Variants in ESPL1 observed in about 807,000 individuals in gnomAD.
The protein encoded by ESPL1 is extra spindle pole bodies like 1, separase.
A neutral mutation model predicts 217.2 loss-of-function variants in ESPL1; 50 were observed. The observed-to-expected ratio is 0.23, with a 90% CI of 0.18 to 0.29. The LOEUF (loss-of-function observed/expected upper bound fraction) is 0.29, where lower values mean the gene tolerates loss of function less well. Ranked by LOEUF, ESPL1 falls within the 10% of genes least tolerant of loss-of-function variation. The pLI is 1.00. For missense variants in ESPL1, 1,834 were observed against 2,603.0 expected, an observed-to-expected ratio of 0.70 and a Z score of 6.43; for synonymous variants, 994 against 1,081.3, an observed-to-expected ratio of 0.92 and a Z score of 1.58.
chr12:53,283,093 C>T, intron 14 of ESPL1, 36 bp from the exon 15 acceptor site: 2 of 1,613,202 alleles, frequency 1.2e-6, no homozygotes, highest in Non-Finnish European at 1.7e-6. Flanking sequence ...GAAGTTCTGG[C>T]TGCATCTTCT....
In ESPL1 at chr12:53,283,460, G is replaced by A. The variant is rs1005329513; in HGVS notation, c.2999G>A (p.Arg1000His). The A allele has an allele frequency of 5.6e-6, 9 of 1,614,114 alleles. No individual in the cohort carries two copies. Among genetic ancestry groups the A allele is most frequent in the African/African-American group, 5.3e-5 (4 of 75,044 alleles). The change falls in exon 16 of 31, where the codon CGC becomes CAC. Residue 1000 changes from arginine to histidine, a missense_variant. Arg to His is a conservative substitution (Grantham distance 29). Coordinates refer to ENST00000257934, the MANE Select transcript of ESPL1 (RefSeq NM_012291.5). ...GAGAAGCTGGTCTGCCACCTGGGCC[G>A]CCTGGGTAGTGTGAGTGAAGCCAAG... is the stretch of plus-strand genomic sequence containing the variant. ...CSEKLVCHLGRLGSVSEAKAF... is the reference protein window; with the variant it reads ...CSEKLVCHLGHLGSVSEAKAF...
At position 53,279,745 on chromosome 12, in the gene ESPL1, T is replaced by C; in HGVS notation, c.2378T>C (p.Leu793Pro). 1 of 1,614,124 alleles carries C rather than the reference T, an allele frequency of 6.2e-7. No individual in the cohort carries two copies. The highest frequency in any genetic ancestry group is 8.5e-7 in the Non-Finnish European group (1 of 1,180,030). ...TCTGCTGACCAGCCCATGCAGGCTC[T>C]GGAGGTCCTCCTGCTGCTACGGATT... is the stretch of plus-strand genomic sequence containing the variant. ...YQLVAKPMQA[L>P]EVLLLLRIVS... is the part of the protein sequence containing the mutation. Residue 793 changes from leucine to proline, a missense_variant, in exon 12 of 31, where the codon CTG becomes CCG. By Grantham distance (98) the Leu-to-Pro change is moderately conservative (BLOSUM62 -3). This residue lies in a region of ESPL1 where 746 missense variants were observed against 1,077.0 expected (regional missense o/e 0.69). Coordinates refer to ENST00000257934, the MANE Select transcript of ESPL1 (RefSeq NM_012291.5).
chr12:53,285,829 A>G lies in ESPL1; in HGVS notation c.3188-95A>G, dbSNP rs954563633. On this transcript the variant is annotated intron_variant, in intron 17 of 30. Transcript: ENST00000257934. Reference sequence around the variant, plus strand: ...ATATATATACACGTACGTATATAAAACACATATATTAGAGAATTGGGCCCC... The same window carrying G: ...ATATATATACACGTACGTATATAAAGCACATATATTAGAGAATTGGGCCCC... 5.5e-6 allele frequency: 5 copies of G among 910,066 alleles called. No individual in the cohort carries two copies. In the Admixed American group the frequency reaches 7.2e-5, roughly 13 times the overall value. The allele number at this position is 910,066 out of a possible 1,614,324, so 56.4% of individuals were successfully genotyped here. A position where few individuals can be genotyped will look rare whatever the true frequency, so the allele number is the denominator to read the frequency against.
chr12:53,277,934 G>A lies in ESPL1; in HGVS notation c.2338G>A (p.Ala780Thr). The A allele has an allele frequency of 6.2e-7, 1 of 1,613,964 alleles. No homozygotes were observed. Among genetic ancestry groups the A allele is most frequent in the African/African-American group, 1.3e-5 (1 of 75,044 alleles). The change falls in exon 11 of 31, where the codon GCA becomes ACA. Residue 780 changes from alanine to threonine, a missense_variant. Ala to Thr is a moderately conservative substitution (Grantham distance 58, BLOSUM62 0). Transcript: ENST00000257934. ...GACAGCAGCCTCACTGCAGATCCTA[G>A]CAGCCCTCTACCAGCTGGTGGCAAA... ...QQTAASLQIL[A>T]ALYQLVAKPM...
At position 53,288,199 on chromosome 12, in the gene ESPL1, G is replaced by A. The variant is rs1325651706; in HGVS notation, c.4404G>A (p.Glu1468=). ...AGGTGGCATCAAGACATTGTGAGGA[G>A]CGGCGTCCCCAGAGGGCCAGTGACC... The part of the protein sequence containing the change: ...AKKVASRHCE[E]RRPQRASDQA... The change falls in exon 19 of 31, where the codon GAG becomes GAA. Residue 1468 remains glutamate, a synonymous_variant. Transcript: ENST00000257934. 2.5e-6 allele frequency: 4 copies of A among 1,611,218 alleles called. No homozygotes were observed. The highest frequency in any genetic ancestry group is 3.4e-6 in the Non-Finnish European group (4 of 1,179,140).
intron 17 of ESPL1, among the ~76,000 whole-genome samples, chr12:53,285,010 CAA>C (rs546915854): frequency 3.0e-5 from 3 of 100,504 alleles, no homozygotes; most frequent in African/African-American, 7.5e-5. Flanking sequence ...GACTCTGACT[CAA>C]AAAAAAAAAA....
At chr12:53,273,756 C>A (rs1943715555) in intron 6 of ESPL1, among the ~76,000 whole-genome samples, 1 of 149,070 alleles carries the variant, frequency 6.7e-6, no homozygotes, top group African/African-American at 2.5e-5. Context: ...AAGACTCCAT[C>A]TCACATCTGA....
In ESPL1 at chr12:53,272,860, A is replaced by G. The variant is rs1565752389; in HGVS notation, c.1506+3A>G. 6.2e-7 allele frequency: 1 copy of G among 1,613,520 alleles called. No homozygotes were observed. Among genetic ancestry groups the G allele is most frequent in the Non-Finnish European group, 8.5e-7 (1 of 1,179,902 alleles). On this transcript the variant is annotated splice_donor_region_variant and intron_variant, in intron 6 of 30. Transcript: ENST00000257934. ...ATCCCGAGGTGCCTCCTGAGAAGGT[A>G]CAAGGGAATGAGAGATGCAGGAAAG...
chr12:53,268,505 C>A, intron 1 of ESPL1, 128 bp downstream of exon 1: 1 of 475,198 alleles, frequency 2.1e-6, no homozygotes, highest in Non-Finnish European at 3.8e-6. Context: ...TGCCCCGGGC[C>A]GCTGAAGGGC....
chr12:53,293,263 C>T lies in ESPL1; in HGVS notation c.6162-10C>T, dbSNP rs192912818. On this transcript the variant is annotated splice_polypyrimidine_tract_variant and intron_variant, in intron 30 of 30. Transcript: ENST00000257934. This position sits in a 1 kb window ranked among gnomAD's most constrained non-coding sequence, Gnocchi z 4.2. ...CCCTTACTTTGTATTTCCTCCTTTT[C>T]TTTTCCCAGCCCCTTGTTTCTGGGT... 1.1e-3 allele frequency: 1,739 copies of T among 1,611,614 alleles called. 27 individuals are homozygous for T. The Admixed American group carries it at 0.027, about 25-fold the overall frequency.
chr12:53,283,531 C>A lies in ESPL1; in HGVS notation c.3070C>A (p.Pro1024Thr), dbSNP rs1943898362. The change falls in exon 16 of 31, where the codon CCA becomes ACA. Residue 1024 changes from proline to threonine, a missense_variant. Coordinates refer to ENST00000257934, the MANE Select transcript of ESPL1 (RefSeq NM_012291.5). ...ALKLTTKLQIPRQCALFLVLK... is the reference protein window; with the variant it reads ...ALKLTTKLQITRQCALFLVLK... ...AAAACTTACAACAAAGCTGCAGATA[C>A]CACGCCAGTAAGTACAGGGCCAGAG... The A allele has an allele frequency of 6.2e-7, 1 of 1,613,950 alleles. No individual in the cohort carries two copies. The highest frequency in any genetic ancestry group is 1.1e-5 in the South Asian group (1 of 91,064).
chr12:53,284,707 T>C (rs1709538105), intron 17 of ESPL1, among the ~76,000 whole-genome samples: 1 of 151,966 alleles, frequency 6.6e-6, no homozygotes, highest in African/African-American at 2.4e-5. Flanking sequence ...TTTGGCTATT[T>C]AAATTTGATT....
At chr12:53,283,992 A>G in intron 16 of ESPL1, 66 bp from the exon 17 acceptor site, 1 of 1,224,042 alleles carries the variant, frequency 8.2e-7, no homozygotes, top group Non-Finnish European at 1.2e-6. Context: ...GAAAGAGGCA[A>G]AGAGAAAGAC....
rs1943909734 is a variant in ESPL1 at position 53,284,266 on chromosome 12, G to A, written c.3187+99G>A. 1.8e-5 allele frequency: 14 copies of A among 799,296 alleles called. 2 individuals are homozygous for A. The South Asian group carries it at 2.0e-4, about 11-fold the overall frequency. 49.5% of individuals were successfully genotyped at this position (799,296 alleles called of 1,614,324 possible). ...GGTTTCGTTGCCTTTTTTTATTTTT[G>A]AGACAGAGTCTCACTTTATTACCCA... On this transcript the variant is annotated intron_variant, in intron 17 of 30. Transcript: ENST00000257934.
chr12:53,285,188 G>A (rs890776871), intron 17 of ESPL1, among the ~76,000 whole-genome samples: 7 of 152,092 alleles, frequency 4.6e-5, no homozygotes, highest in Non-Finnish European at 8.8e-5. Flanking sequence ...TGCATTGATG[G>A]CACATTTTGT....
chr12:53,285,277 T>A (rs184281086), intron 17 of ESPL1, among the ~76,000 whole-genome samples: 94 of 152,286 alleles, frequency 6.2e-4, no homozygotes, highest in Non-Finnish European at 8.1e-4. Context: ...CATAGATTAT[T>A]TTCATTTGTT....
At position 53,293,554 on chromosome 12, in the gene ESPL1, T is replaced by C; in HGVS notation, c.*80T>C. ...GGTTAGATTTAATCCTTAGGATAAC[T>C]CTTTTAAAGTGATTTTCCCCAGTGT... On this transcript the variant is annotated 3_prime_UTR_variant, in exon 31 of 31. Coordinates refer to ENST00000257934, the MANE Select transcript of ESPL1 (RefSeq NM_012291.5). This position sits in a 1 kb window ranked among gnomAD's most constrained non-coding sequence, Gnocchi z 4.2. 1 of 1,068,630 alleles carries C rather than the reference T, an allele frequency of 9.4e-7. No individual in the cohort carries two copies. Among genetic ancestry groups the C allele is most frequent in the Non-Finnish European group, 1.4e-6 (1 of 708,860 alleles). 66.2% of individuals were successfully genotyped at this position (1,068,630 alleles called of 1,614,324 possible). A position where few individuals can be genotyped will look rare whatever the true frequency, so the allele number is the denominator to read the frequency against.
chr12:53,281,263 G>C (rs766361738), intron 12 of ESPL1, among the ~76,000 whole-genome samples: 2 of 149,440 alleles, frequency 1.3e-5, no homozygotes, highest in African/African-American at 4.9e-5. Context: ...TCAGCCTCCC[G>C]AGTAGCTGGG....
rs753840797 is a variant in ESPL1, at chr12:53,286,375, C to T, written c.3639C>T (p.Ser1213=). 1.2e-5 allele frequency: 20 copies of T among 1,614,216 alleles called. No individual in the cohort carries two copies. Among genetic ancestry groups the T allele is most frequent in the Non-Finnish European group, 1.5e-5 (18 of 1,180,030 alleles). ...CCCTGAATCATAAAACACCCCCCTCCTTGGTTCCAAGCCTCTTGGATGAGA... is the reference window on the plus strand; with the variant it reads ...CCCTGAATCATAAAACACCCCCCTCTTTGGTTCCAAGCCTCTTGGATGAGA... ...QASLNHKTPP[S]LVPSLLDEIL... is the part of the protein sequence containing the mutation. The change falls in exon 18 of 31, where the codon TCC becomes TCT. Residue 1213 remains serine (S), a synonymous_variant. Transcript: ENST00000257934. The surrounding 1 kb of genome is among the most constrained non-coding windows in gnomAD (Gnocchi z 5.3).
Sources: allele counts gnomAD v4.1 joint callset (sites outside exome capture counted in the v4.1 genomes callset), GRCh38; gene constraint gnomAD v4.1.1; regional missense constraint gnomAD v4.1.1; non-coding constraint Gnocchi (gnomAD v3.1); transcripts MANE v1.5; gene names NCBI Gene and HGNC (gene_info 2026-07-23, HGNC 2026-07-21).